LYPLA1: variants seen among roughly 807,000 people sequenced by gnomAD.
LYPLA1 encodes the protein acyl-protein thioesterase 1.
In LYPLA1, 17 loss-of-function variants were observed where a neutral mutation model predicts 34.0. The observed-to-expected ratio is 0.50, with a 90% CI of 0.34 to 0.75. LYPLA1 has a LOEUF of 0.75. Ranked by LOEUF, LYPLA1 falls within the 30% of genes least tolerant of loss-of-function variation. LYPLA1 has a pLI of 0.01. For synonymous variants in LYPLA1, 98 were observed against 100.8 expected, an observed-to-expected ratio of 0.97 and a Z score of 0.17; for missense variants, 203 against 288.8, an observed-to-expected ratio of 0.70 and a Z score of 2.15.
chr8:54,074,696 C>T (rs558734486), intron 2 of LYPLA1, among the ~76,000 whole-genome samples: 1 of 152,372 alleles, frequency 6.6e-6, no homozygotes, highest in South Asian at 2.1e-4. Context: ...CGATGCCCAA[C>T]TTACCAAATG....
At chr8:54,101,573 A>T (rs1172074398) in intron 1 of LYPLA1, 182 bp downstream of exon 1, 1 of 1,150,408 alleles carries the variant, frequency 8.7e-7, no homozygotes, top group Non-Finnish European at 1.1e-6. Context: ...GCCGGCTGTG[A>T]CCCCCCGGCT....
chr8:54,068,770 A>C (rs1413085627), intron 2 of LYPLA1, among the ~76,000 whole-genome samples: 1 of 152,218 alleles, frequency 6.6e-6, no homozygotes, highest in Non-Finnish European at 1.5e-5. Context: ...AGATCTGGCA[A>C]TTTCTTAGAT....
At chr8:54,074,821 G>A (rs1474958398) in intron 2 of LYPLA1, among the ~76,000 whole-genome samples, 2 of 152,242 alleles carry the variant, frequency 1.3e-5, no homozygotes, top group Non-Finnish European at 2.9e-5. Flanking sequence ...TTATGTACAT[G>A]TATGTGTGGA....
intron 2 of LYPLA1, among the ~76,000 whole-genome samples, chr8:54,077,787 A>C (rs1385184585): frequency 6.6e-6 from 1 of 152,202 alleles, no homozygotes; most frequent in Non-Finnish European, 1.5e-5. Flanking sequence ...TAGAACGGGC[A>C]AAAGTATGGT....
chr8:54,096,568 C>G (rs1047902885), intron 2 of LYPLA1, among the ~76,000 whole-genome samples: 3 of 151,976 alleles, frequency 2.0e-5, no homozygotes, highest in Non-Finnish European at 2.9e-5. Flanking sequence ...GAAACCCCCC[C>G]GTCTCTACTA....
intron 6 of LYPLA1, 168 bp from the exon 7 acceptor site, chr8:54,052,924 G>A (rs992523490): frequency 1.8e-6 from 1 of 568,024 alleles, no homozygotes; most frequent in Non-Finnish European, 3.2e-6. Flanking sequence ...GTGTCCTAAA[G>A]GATGCGGTTC....
chr8:54,072,522 C>T lies in LYPLA1; in HGVS notation c.102-6709G>A, dbSNP rs188373872. Among the ~76,000 whole-genome samples, 236 of 152,066 alleles carry T rather than the reference C, an allele frequency of 1.6e-3. 3 individuals are homozygous for T. Among genetic ancestry groups the T allele is most frequent in the Non-Finnish European group, 3.0e-3 (207 of 68,012 alleles). On this transcript the variant is annotated intron_variant, in intron 2 of 8. Transcript: ENST00000316963. ...TCTAATATCCAGAATCTATAAGGAA[C>T]TTAAATTTACAAGTAAAAAACAAAC...
chr8:54,078,811 G>GT (rs1808090434), intron 2 of LYPLA1, among the ~76,000 whole-genome samples: 1 of 151,860 alleles, frequency 6.6e-6, no homozygotes, highest in Non-Finnish European at 1.5e-5. Flanking sequence ...TAAGACAAAT[G>GT]TAAGTTATGA....
chr8:54,094,700 T>C (rs1382850032), intron 2 of LYPLA1, among the ~76,000 whole-genome samples: 2 of 152,008 alleles, frequency 1.3e-5, no homozygotes, highest in Non-Finnish European at 2.9e-5. Context: ...CTTGGAAAAA[T>C]GGCTGAGTCC....
At chr8:54,101,583 T>C in intron 1 of LYPLA1, 172 bp downstream of exon 1, 2 of 1,151,862 alleles carry the variant, frequency 1.7e-6, no homozygotes, top group Non-Finnish European at 2.1e-6. Flanking sequence ...ACCCCCCGGC[T>C]GCCCCCGCCC....
chr8:54,056,910 TCAAAA>T (rs1291328371), intron 5 of LYPLA1, among the ~76,000 whole-genome samples: 1 of 151,796 alleles, frequency 6.6e-6, no homozygotes, highest in Non-Finnish European at 1.5e-5. Flanking sequence ...AGACTCTGTC[TCAAAA>T]CAAACAAGAA....
chr8:54,075,044 G>A (rs1195635130), intron 2 of LYPLA1, among the ~76,000 whole-genome samples: 1 of 152,178 alleles, frequency 6.6e-6, no homozygotes, highest in Admixed American at 6.5e-5. Flanking sequence ...CAATTCTCAA[G>A]GACAAGCCAT....
intron 2 of LYPLA1, among the ~76,000 whole-genome samples, chr8:54,081,355 C>CAT (rs1242691877): frequency 3.3e-5 from 5 of 152,036 alleles, no homozygotes; most frequent in African/African-American, 4.8e-5. Context: ...CTACTATATA[C>CAT]ACAGTTTTTG....
At chr8:54,053,787 G>A in intron 6 of LYPLA1, 1 of 454,164 alleles carries the variant, frequency 2.2e-6, no homozygotes, top group Non-Finnish European at 4.4e-6. Flanking sequence ...GAGAGATGGT[G>A]AGCAAGGCCC....
chr8:54,066,059 C>G (rs937625030), intron 2 of LYPLA1, among the ~76,000 whole-genome samples: 9 of 152,140 alleles, frequency 5.9e-5, no homozygotes, highest in Non-Finnish European at 1.3e-4. Flanking sequence ...GCCTCAGCCT[C>G]CCAAGTAGCC....
chr8:54,095,600 A>G (rs1809623686), intron 2 of LYPLA1, among the ~76,000 whole-genome samples: 3 of 152,232 alleles, frequency 2.0e-5, no homozygotes, highest in African/African-American at 7.2e-5. Flanking sequence ...ACACATCAGT[A>G]ACAACAAAAT....
chr8:54,079,946 C>A (rs1367543632), intron 2 of LYPLA1, among the ~76,000 whole-genome samples: 2 of 152,032 alleles, frequency 1.3e-5, no homozygotes, highest in Non-Finnish European at 2.9e-5. Context: ...ATTTCAATTT[C>A]TAAGTATATC....
intron 1 of LYPLA1, chr8:54,101,212 A>T: frequency 1.6e-6 from 1 of 612,780 alleles, no homozygotes; most frequent in Non-Finnish European, 2.4e-6. Flanking sequence ...TCTAAGAAAA[A>T]CAGTTTATCT....
At chr8:54,071,088 G>C (rs761322418) in intron 2 of LYPLA1, among the ~76,000 whole-genome samples, 11 of 152,154 alleles carry the variant, frequency 7.2e-5, no homozygotes, top group Admixed American at 3.3e-4. Flanking sequence ...CCATTAGACA[G>C]ACTCAAGTTG....
Sources: allele counts gnomAD v4.1 joint callset (sites outside exome capture counted in the v4.1 genomes callset), GRCh38; gene constraint gnomAD v4.1.1; transcripts MANE v1.5; gene names NCBI Gene and HGNC (gene_info 2026-07-23, HGNC 2026-07-21).